RANBP17: variants seen among roughly 807,000 people sequenced by gnomAD.
RANBP17 encodes RAN binding protein 17.
Under a neutral mutation model 141.2 loss-of-function variants are expected in RANBP17, and 158 were observed. The ratio of observed to expected loss-of-function variants is 1.12; its 90% CI spans 0.98 to 1.28. The LOEUF (loss-of-function observed/expected upper bound fraction) is 1.28. Among genes scored for constraint, RANBP17 ranks in the 50% most tolerant of loss-of-function variants. The pLI is 0.00. For missense variants in RANBP17, 1,438 were observed against 1,290.7 expected, an observed-to-expected ratio of 1.11 and a Z score of -1.75; for synonymous variants, 430 against 450.0, an observed-to-expected ratio of 0.96 and a Z score of 0.56.
chr5:171,234,753 G>A lies in RANBP17; in HGVS notation c.2423-6175G>A, dbSNP rs77598273. Among the ~76,000 whole-genome samples, 49 of 152,266 alleles carry A rather than the reference G, an allele frequency of 3.2e-4. No homozygotes were observed. The East Asian group carries it at 8.7e-3, about 27-fold the overall frequency. On this transcript the variant is annotated intron_variant, in intron 22 of 27. Transcript: ENST00000523189. ...ATGGAGAAGGCTAAGATGGGTGTGG[G>A]GGACCAAAGTTCCCTTTTGGTTATG...
intron 14 of RANBP17, among the ~76,000 whole-genome samples, chr5:171,024,491 A>G (rs1238573697): frequency 6.6e-6 from 1 of 152,166 alleles, no homozygotes; most frequent in Admixed American, 6.5e-5. Context: ...GTCTTTTCAG[A>G]AAAAAATTGC....
chr5:171,100,935 T>C (rs1787111460), intron 14 of RANBP17, among the ~76,000 whole-genome samples: 1 of 152,234 alleles, frequency 6.6e-6, no homozygotes, highest in African/African-American at 2.4e-5. Context: ...AATCCTGAGT[T>C]TTAATTTGAT....
chr5:171,287,400 G>T (rs1376575567), intron 25 of RANBP17, among the ~76,000 whole-genome samples: 1 of 151,272 alleles, frequency 6.6e-6, no homozygotes, highest in African/African-American at 2.4e-5. Flanking sequence ...TGAGGCAGGA[G>T]AATTGCTTGA....
intron 5 of RANBP17, among the ~76,000 whole-genome samples, chr5:170,905,146 A>G (rs926290981): frequency 7.2e-5 from 11 of 152,136 alleles, no homozygotes; most frequent in African/African-American, 2.4e-4. Context: ...ACCCTGTACA[A>G]GGGGAGTTTT....
At chr5:170,947,512 T>G (rs1221931332) in intron 12 of RANBP17, among the ~76,000 whole-genome samples, 1 of 152,144 alleles carries the variant, frequency 6.6e-6, no homozygotes, top group Non-Finnish European at 1.5e-5. Context: ...TGGGGGGGAT[T>G]GTATTATCTA....
At chr5:170,910,659 A>G in intron 6 of RANBP17, 1 of 243,840 alleles carries the variant, frequency 4.1e-6, no homozygotes, top group Non-Finnish European at 8.0e-6. Flanking sequence ...TCTAAAAGGT[A>G]TAATTGTTTT....
chr5:171,168,497 T>G (rs72827564), intron 14 of RANBP17, among the ~76,000 whole-genome samples: 302 of 152,270 alleles, frequency 2.0e-3, no homozygotes, highest in Non-Finnish European at 3.7e-3. Flanking sequence ...GGGACCCAAT[T>G]TGTATACTTC....
chr5:170,942,597 T>C (rs7701805), intron 12 of RANBP17, among the ~76,000 whole-genome samples: 104,628 of 151,924 alleles, frequency 0.69, 36,188 homozygotes, highest in South Asian at 0.9. Flanking sequence ...ATCAAAAGAA[T>C]AATAAGCATT....
chr5:171,237,186 G>A (rs1764596770), intron 22 of RANBP17, among the ~76,000 whole-genome samples: 1 of 152,178 alleles, frequency 6.6e-6, no homozygotes, highest in African/African-American at 2.4e-5. Context: ...GTACTTCTGA[G>A]TGTTGGAAGC....
chr5:171,178,485 G>A (rs952488972), intron 16 of RANBP17, among the ~76,000 whole-genome samples: 6 of 152,058 alleles, frequency 3.9e-5, no homozygotes, highest in Non-Finnish European at 5.9e-5. Context: ...AAACATACGC[G>A]TGCATGTGTC....
chr5:171,110,249 A>G (rs1394234892), intron 14 of RANBP17, among the ~76,000 whole-genome samples: 1 of 151,988 alleles, frequency 6.6e-6, no homozygotes, highest in Non-Finnish European at 1.5e-5. Flanking sequence ...CATTTGTAGA[A>G]TGGGTACAAG....
At chr5:171,009,708 T>C (rs1021158011) in intron 14 of RANBP17, among the ~76,000 whole-genome samples, 1 of 152,206 alleles carries the variant, frequency 6.6e-6, no homozygotes, top group Non-Finnish European at 1.5e-5. Flanking sequence ...TGTTTGTTGC[T>C]GTTAAAAGTA....
intron 15 of RANBP17, among the ~76,000 whole-genome samples, chr5:171,170,425 G>A (rs977519901): frequency 1.3e-5 from 2 of 152,040 alleles, no homozygotes; most frequent in African/African-American, 4.8e-5. Flanking sequence ...CCATACAACG[G>A]CAGCGTGCAG....
At position 171,029,010 on chromosome 5, in the gene RANBP17, A is replaced by G. The variant is rs960467012; in HGVS notation, c.1710+60633A>G. The G allele has an allele frequency of 1.0e-5, 11 of 1,097,380 alleles. No individual in the cohort carries two copies. In the African/African-American group the frequency reaches 1.3e-4, roughly 13 times the overall value. 68.0% of individuals were successfully genotyped at this position (1,097,380 alleles called of 1,614,324 possible). On this transcript the variant is annotated intron_variant, in intron 14 of 27. Coordinates refer to ENST00000523189, the MANE Select transcript of RANBP17 (RefSeq NM_022897.5). ...TCCAGGTGAGGGCAAGTCAGTCTAT[A>G]TGTTAAGCCAGTTCTTTTCTGGTCA...
At chr5:171,168,796 G>C (rs1759892452) in intron 14 of RANBP17, among the ~76,000 whole-genome samples, 1 of 152,078 alleles carries the variant, frequency 6.6e-6, no homozygotes, top group Admixed American at 6.6e-5. Context: ...AAGTTAGTAG[G>C]TAAGGCAGCA....
intron 20 of RANBP17, chr5:171,207,884 A>C (rs1415778633): frequency 6.6e-6 from 1 of 152,210 alleles, no homozygotes; most frequent in Non-Finnish European, 1.5e-5. Context: ...GCTTTATTAA[A>C]ATATTTTGAA....
In RANBP17 at chr5:170,913,191, C is replaced by T. The variant is rs562435909; in HGVS notation, c.761-976C>T. Among the ~76,000 whole-genome samples the T allele has an allele frequency of 3.9e-5, 6 of 152,074 alleles. No homozygotes were observed. The East Asian group carries it at 9.7e-4, about 24-fold the overall frequency. ...CCCTTATGTACTTGCTCTAAGGAAG[C>T]TACTTGATGTACAAGCAAAGAAAGT... On this transcript the variant is annotated intron_variant, in intron 7 of 27. Coordinates refer to ENST00000523189, the MANE Select transcript of RANBP17 (RefSeq NM_022897.5).
intron 18 of RANBP17, among the ~76,000 whole-genome samples, chr5:171,189,306 A>G (rs563846656): frequency 6.6e-6 from 1 of 152,346 alleles, no homozygotes; most frequent in Admixed American, 6.5e-5. Flanking sequence ...AATGAAATGT[A>G]TGTGATAAGC....
chr5:170,994,614 C>T (rs1778704837), intron 14 of RANBP17, among the ~76,000 whole-genome samples: 1 of 152,024 alleles, frequency 6.6e-6, no homozygotes, highest in African/African-American at 2.4e-5. Context: ...TGCTGATAAA[C>T]CTCATTTCAT....
Sources: allele counts gnomAD v4.1 joint callset (sites outside exome capture counted in the v4.1 genomes callset), GRCh38; gene constraint gnomAD v4.1.1; transcripts MANE v1.5; gene names NCBI Gene and HGNC (gene_info 2026-07-23, HGNC 2026-07-21).